PDZD2: variants seen among roughly 807,000 people sequenced by gnomAD.
PDZD2 encodes the protein PDZ domain containing 2, also known as PDZ domain-containing protein 2.
Under a neutral mutation model 220.7 loss-of-function variants are expected in PDZD2, and 90 were observed. The ratio of observed to expected loss-of-function variants is 0.41; its 90% CI spans 0.34 to 0.49. PDZD2 has a LOEUF of 0.49. PDZD2 is among the 20% of genes least tolerant of loss of function. PDZD2 has a pLI of 0.28. For missense variants in PDZD2, 3,174 were observed against 3,608.5 expected, an observed-to-expected ratio of 0.88 and a Z score of 3.08; for synonymous variants, 1,375 against 1,450.5, an observed-to-expected ratio of 0.95 and a Z score of 1.18.
chr5:31,809,067 T>A (rs930720480), intron 2 of PDZD2, among the ~76,000 whole-genome samples: 7 of 152,200 alleles, frequency 4.6e-5, no homozygotes, highest in Non-Finnish European at 8.8e-5. Context: ...AAAATCTATG[T>A]TTTTACCTGT....
chr5:32,052,670 T>C lies in PDZD2; in HGVS notation c.1725T>C (p.Pro575=), dbSNP rs147125584. Residue 575 remains proline (P), a synonymous_variant, in exon 9 of 25, where the codon CCT becomes CCC. Transcript: ENST00000438447. ...RSLSTTQVES[P]WRLIRPSVIS... ...TAAGCACGACTCAGGTGGAATCTCC[T>C]TGGAGGCTCATTCGGCCATCCGTCA... is the stretch of plus-strand genomic sequence containing the variant. 4.9e-5 allele frequency: 79 copies of C among 1,613,928 alleles called. No homozygotes were observed. The African/African-American group carries it at 6.0e-4, about 12-fold the overall frequency.
chr5:32,029,328 G>GT (rs1166519671), intron 6 of PDZD2, among the ~76,000 whole-genome samples: 424 of 19,650 alleles, frequency 0.022, 9 homozygotes, highest in African/African-American at 0.055. Context: ...ATCAAGAACT[G>GT]TAAAAAAAAA....
In PDZD2 at chr5:32,090,162, C is replaced by T. The variant is rs757666601; in HGVS notation, c.6714C>T (p.His2238=). 4.1e-5 allele frequency: 66 copies of T among 1,613,824 alleles called. 1 individual carries two copies. The highest frequency in any genetic ancestry group is 3.1e-4 in the South Asian group (28 of 91,056). ...CAAGCCATTTTGGACGGGAGGGTCACCCCCCACACAGCCTGGGTCGCTCTC... is the reference window on the plus strand; with the variant it reads ...CAAGCCATTTTGGACGGGAGGGTCATCCCCCACACAGCCTGGGTCGCTCTC... ...QFSSHFGREG[H]PPHSLGRSRD... Residue 2238 remains histidine (H), a synonymous_variant, in exon 20 of 25, where the codon CAC becomes CAT. Transcript: ENST00000438447. This position sits in a 1 kb window ranked among gnomAD's most constrained non-coding sequence, Gnocchi z 4.3.
At chr5:31,676,054 T>G (rs539250869) in intron 1 of PDZD2, among the ~76,000 whole-genome samples, 1 of 152,318 alleles carries the variant, frequency 6.6e-6, no homozygotes, top group East Asian at 1.9e-4. Flanking sequence ...GAGCGCTCTA[T>G]GTGTTCCCAA....
At chr5:31,935,152 T>A (rs1745616078) in intron 2 of PDZD2, among the ~76,000 whole-genome samples, 1 of 152,122 alleles carries the variant, frequency 6.6e-6, no homozygotes, top group South Asian at 2.1e-4. Flanking sequence ...TTGCTCCTAT[T>A]TTGTTCCTTA....
chr5:31,704,920 G>T (rs1968845), intron 1 of PDZD2, among the ~76,000 whole-genome samples: 78,343 of 152,018 alleles, frequency 0.52, 20,926 homozygotes, highest in East Asian at 0.68. Flanking sequence ...CAACACTTTG[G>T]AAGGCCGAGG....
chr5:31,855,080 G>C (rs1334451887), intron 2 of PDZD2: 1 of 985,394 alleles, frequency 1.0e-6, no homozygotes, highest in South Asian at 4.7e-5. Flanking sequence ...CCGGCCTGGC[G>C]AGCGGATTAC....
At chr5:31,765,331 G>A (rs1478142769) in intron 1 of PDZD2, among the ~76,000 whole-genome samples, 1 of 152,120 alleles carries the variant, frequency 6.6e-6, no homozygotes, top group Non-Finnish European at 1.5e-5. Flanking sequence ...CAGAACATCG[G>A]TGACCACACT....
intron 1 of PDZD2, among the ~76,000 whole-genome samples, chr5:31,672,142 A>C (rs190548755): frequency 2.6e-5 from 4 of 152,146 alleles, no homozygotes; most frequent in Non-Finnish European, 5.9e-5. Flanking sequence ...TAGGAGGCAA[A>C]ATCACTCCAC....
intron 2 of PDZD2, among the ~76,000 whole-genome samples, chr5:31,928,508 C>G (rs1744988538): frequency 6.6e-6 from 1 of 151,652 alleles, no homozygotes; most frequent in Non-Finnish European, 1.5e-5. Flanking sequence ...CAGAGTCTTG[C>G]TCTGTCATCC....
At chr5:31,890,358 C>T (rs1403583730) in intron 2 of PDZD2, among the ~76,000 whole-genome samples, 3 of 151,946 alleles carry the variant, frequency 2.0e-5, no homozygotes, top group Non-Finnish European at 2.9e-5. Flanking sequence ...TATTGGACAG[C>T]GCAGTTCTGT....
intron 2 of PDZD2, among the ~76,000 whole-genome samples, chr5:31,827,675 G>A (rs1391106224): frequency 2.1e-5 from 3 of 143,050 alleles, no homozygotes; most frequent in Non-Finnish European, 3.0e-5. Context: ...CTGGGTGATA[G>A]AGCAAGACTC....
intron 2 of PDZD2, chr5:31,923,553 G>A: frequency 1.1e-6 from 1 of 873,910 alleles, no homozygotes; most frequent in Admixed American, 1.7e-5. Flanking sequence ...TTGGTCTTCT[G>A]GATTTGGAGG....
chr5:31,662,693 A>C (rs531737990), intron 1 of PDZD2, among the ~76,000 whole-genome samples: 9 of 152,114 alleles, frequency 5.9e-5, no homozygotes, highest in Non-Finnish European at 1.0e-4. Flanking sequence ...GCAGTGGCGC[A>C]ATCTCAGCTC....
intron 5 of PDZD2, among the ~76,000 whole-genome samples, chr5:32,003,338 A>C (rs1581252841): frequency 2.2e-5 from 1 of 44,710 alleles, no homozygotes; most frequent in African/African-American, 9.7e-5. Context: ...CCCCCACCAC[A>C]CCACACACAC....
At chr5:31,812,553 C>G (rs1755186351) in intron 2 of PDZD2, among the ~76,000 whole-genome samples, 1 of 152,134 alleles carries the variant, frequency 6.6e-6, no homozygotes, top group South Asian at 2.1e-4. Context: ...ATCCACCTAT[C>G]TCAGCCTCTC....
rs199758115 is a variant in PDZD2, at chr5:31,995,529, G to A, written c.979-47G>A. ...AGCTCCGTTCTCCTGTGTCAATGCC[G>A]TGTGTCTGTCAACCTCCTTCATGGT... is the stretch of plus-strand genomic sequence containing the variant. On this transcript the variant is annotated intron_variant, in intron 3 of 24. Transcript: ENST00000438447. 1.2e-4 allele frequency: 197 copies of A among 1,610,178 alleles called. 1 individual carries two copies. The highest frequency in any genetic ancestry group is 1.7e-4 in the Middle Eastern group (1 of 5,948).
chr5:32,087,386 C>T lies in PDZD2; in HGVS notation c.3938C>T (p.Thr1313Ile). ...ACTCGATCAGCATCGGAAACCAGCA[C>T]ACCCCACAATACCAGGAGGGTGGCT... ...SKTRSASETSTPHNTRRVAAL... is the reference protein window; with the variant it reads ...SKTRSASETSIPHNTRRVAAL... Residue 1313 changes from threonine to isoleucine, a missense_variant, in exon 20 of 25, where the codon ACA becomes ATA. Transcript: ENST00000438447. This position sits in a 1 kb window ranked among gnomAD's most constrained non-coding sequence, Gnocchi z 4.0. The T allele has an allele frequency of 6.2e-7, 1 of 1,614,078 alleles. No homozygotes were observed. Among genetic ancestry groups the T allele is most frequent in the African/African-American group, 1.3e-5 (1 of 75,064 alleles).
At chr5:31,685,980 C>G (rs1003039849) in intron 1 of PDZD2, among the ~76,000 whole-genome samples, 1 of 151,844 alleles carries the variant, frequency 6.6e-6, no homozygotes, top group Non-Finnish European at 1.5e-5. Context: ...GTGGGCGGAT[C>G]ACAGGTCAGG....
Sources: allele counts gnomAD v4.1 joint callset (sites outside exome capture counted in the v4.1 genomes callset), GRCh38; gene constraint gnomAD v4.1.1; non-coding constraint Gnocchi (gnomAD v3.1); transcripts MANE v1.5; gene names NCBI Gene and HGNC (gene_info 2026-07-23, HGNC 2026-07-21).